The following IMPACT variants were observed in gnomAD, a reference collection of about 807,000 sequenced individuals.
IMPACT encodes the protein impact RWD domain protein.
IMPACT carries 35 observed loss-of-function variants against 47.5 expected under a neutral mutation model. That is an observed-to-expected ratio of 0.74 (90% CI 0.56 to 0.98). The LOEUF (loss-of-function observed/expected upper bound fraction) is 0.98, where lower values mean the gene tolerates loss of function less well. IMPACT is among the 50% of genes least tolerant of loss of function. IMPACT has a pLI of 0.00. For synonymous variants in IMPACT, 118 were observed against 125.6 expected (o/e 0.94, Z 0.40); for missense variants, 373 against 394.8 (o/e 0.94, Z 0.47).
chr18:24,442,417 G>T lies in IMPACT; in HGVS notation c.491-632G>T, dbSNP rs577758305. 5.2e-3 allele frequency among the ~76,000 whole-genome samples: 794 copies of T among 152,148 alleles called. 10 individuals carry two copies. The highest frequency in any genetic ancestry group is 0.018 in the African/African-American group (762 of 41,524). Reference sequence around the variant, plus strand: ...GATCCACTCCCTCGGCCTCCCAAAGGGTTGGGATTGCAGGCGTGAGCCACC... The same window carrying T: ...GATCCACTCCCTCGGCCTCCCAAAGTGTTGGGATTGCAGGCGTGAGCCACC... On this transcript the variant is annotated intron_variant, in intron 6 of 10. Transcript: ENST00000284202.
chr18:24,435,006 C>T (rs541513143), intron 4 of IMPACT, among the ~76,000 whole-genome samples: 6 of 147,582 alleles, frequency 4.1e-5, no homozygotes, highest in Non-Finnish European at 8.9e-5. Flanking sequence ...TGGGGTCTAT[C>T]TCTGTTACCC....
At position 24,443,069 on chromosome 18, in the gene IMPACT, C is replaced by T. The variant is rs1258489158; in HGVS notation, c.511C>T (p.Pro171Ser). 26 of 1,588,840 alleles carry T rather than the reference C, an allele frequency of 1.6e-5. No homozygotes were observed. The highest frequency in any genetic ancestry group is 2.2e-5 in the Non-Finnish European group (25 of 1,161,856). ...TCTAGAAGTAGAAGTAGAAGAATTACCTCCGATTGATCATGGCATTCCTAT... is the reference window on the plus strand; with the variant it reads ...TCTAGAAGTAGAAGTAGAAGAATTATCTCCGATTGATCATGGCATTCCTAT... ...TRTEVEVEELPPIDHGIPITD... is the reference protein window; with the variant it reads ...TRTEVEVEELSPIDHGIPITD... The change falls in exon 7 of 11, where the codon CCT (proline) becomes TCT (serine). Residue 171 changes from proline (P) to serine (S), a missense_variant. Physicochemically the swap from Pro to Ser is moderately conservative, Grantham distance 74. Transcript: ENST00000284202.
intron 1 of IMPACT, chr18:24,427,148 T>C (rs966944594): frequency 2.1e-5 from 5 of 241,428 alleles, no homozygotes; most frequent in Non-Finnish European, 3.9e-5. Context: ...TTTCCCCCTT[T>C]GCAAAATGGC....
intron 4 of IMPACT, chr18:24,435,649 T>G (rs537271744): frequency 6.6e-6 from 1 of 152,294 alleles, no homozygotes; most frequent in African/African-American, 2.4e-5. Flanking sequence ...AAGTGTGAAC[T>G]CAACTCCTCT....
chr18:24,446,903 T>A (rs1263506877), intron 8 of IMPACT, among the ~76,000 whole-genome samples: 1 of 152,254 alleles, frequency 6.6e-6, no homozygotes, highest in Non-Finnish European at 1.5e-5. Flanking sequence ...AAACTTTATG[T>A]AAATTAACTC....
chr18:24,448,595 A>G lies in IMPACT; in HGVS notation c.759+412A>G, dbSNP rs147955148. Among the ~76,000 whole-genome samples, 465 of 150,830 alleles carry G rather than the reference A, an allele frequency of 3.1e-3. 1 individual carries two copies. Among genetic ancestry groups the G allele is most frequent in the African/African-American group, 0.011 (438 of 41,076 alleles). On this transcript the variant is annotated intron_variant, in intron 9 of 10. Transcript: ENST00000284202. ...TCTCATTGTCTTTATATTCTGAGACATTTTCTTGACTGTTGTCCAAAATTT... is the reference window on the plus strand; with the variant it reads ...TCTCATTGTCTTTATATTCTGAGACGTTTTCTTGACTGTTGTCCAAAATTT...
chr18:24,448,113 A>G lies in IMPACT; in HGVS notation c.689A>G (p.Gln230Arg). The G allele has an allele frequency of 6.2e-7, 1 of 1,612,452 alleles. No homozygotes were observed. The highest frequency in any genetic ancestry group is 2.2e-5 in the East Asian group (1 of 44,826). The change falls in exon 9 of 11, where the codon CAG becomes CGG. Residue 230 changes from glutamine (Q) to arginine (R), a missense_variant. Gln to Arg is a conservative substitution (Grantham distance 43, BLOSUM62 1). Transcript: ENST00000284202. The part of the protein sequence containing the change: ...YAYRIYCEDK[Q>R]TFLQDCEDDG... ...TGCAGAATATATTGTGAGGATAAAC[A>G]GACCTTCTTACAGGATTGTGAGGAT...
intron 5 of IMPACT, 127 bp from the exon 6 acceptor site, chr18:24,440,369 C>T (rs1043614571): frequency 1.1e-6 from 1 of 900,030 alleles, no homozygotes; most frequent in Non-Finnish European, 1.7e-6. Flanking sequence ...ACCAGTTCTC[C>T]TACGGGCTGA....
At position 24,448,123 on chromosome 18, in the gene IMPACT, A is replaced by G. The variant is rs746006735; in HGVS notation, c.699A>G (p.Leu233=). Residue 233 remains leucine (L), a synonymous_variant, in exon 9 of 11, where the codon TTA becomes TTG. Transcript: ENST00000284202. ...RIYCEDKQTF[L]QDCEDDGETA... ...ATTGTGAGGATAAACAGACCTTCTT[A>G]CAGGATTGTGAGGATGATGGGGAAA... 1.3e-5 allele frequency: 21 copies of G among 1,613,248 alleles called. No individual in the cohort carries two copies. Among genetic ancestry groups the G allele is most frequent in the South Asian group, 1.2e-4 (11 of 91,062 alleles).
chr18:24,452,676 A>G lies in IMPACT; in HGVS notation c.*1829A>G, dbSNP rs1351058369. On this transcript the variant is annotated 3_prime_UTR_variant, in exon 11 of 11. Coordinates refer to ENST00000284202, the MANE Select transcript of IMPACT (RefSeq NM_018439.4). ...TCTACTCTTAATGGAAACTTGAACT[A>G]ATGATAGATAGTATTTTTTTCCTCT... The G allele has an allele frequency of 1.3e-5, 2 of 152,172 alleles. No homozygotes were observed. Among genetic ancestry groups the G allele is most frequent in the Non-Finnish European group, 2.9e-5 (2 of 68,024 alleles). 9.4% of individuals were successfully genotyped at this position (152,172 alleles called of 1,614,324 possible).
chr18:24,426,719 C>A lies in IMPACT; in HGVS notation c.-38C>A. The A allele has an allele frequency of 3.2e-6, 4 of 1,243,528 alleles. No homozygotes were observed. The highest frequency in any genetic ancestry group is 4.0e-6 in the Non-Finnish European group (4 of 993,160). 77.0% of individuals were successfully genotyped at this position (1,243,528 alleles called of 1,614,324 possible). A position where few individuals can be genotyped will look rare whatever the true frequency, so the allele number is the denominator to read the frequency against. Reference sequence around the variant, plus strand: ...AGCGCCCCGCCCCCGCGCTCCGGACCTGGCAGGCGGCGGCTGCAGGGCAGG... The same window carrying A: ...AGCGCCCCGCCCCCGCGCTCCGGACATGGCAGGCGGCGGCTGCAGGGCAGG... On this transcript the variant is annotated 5_prime_UTR_variant, in exon 1 of 11. In the 5' UTR this introduces an upstream ATG that the reference lacks. Coordinates refer to ENST00000284202, the MANE Select transcript of IMPACT (RefSeq NM_018439.4).
At chr18:24,435,990 A>G (rs1251459056) in intron 4 of IMPACT, among the ~76,000 whole-genome samples, 1 of 152,152 alleles carries the variant, frequency 6.6e-6, no homozygotes, top group Admixed American at 6.5e-5. Context: ...ATATATCTCA[A>G]AGAGATGGAG....
intron 4 of IMPACT, among the ~76,000 whole-genome samples, chr18:24,437,320 C>T (rs1304901196): frequency 2.6e-5 from 4 of 152,166 alleles, no homozygotes; most frequent in African/African-American, 4.8e-5. Flanking sequence ...ACCTGTGACA[C>T]ATTCTTTTTC....
intron 6 of IMPACT, among the ~76,000 whole-genome samples, chr18:24,442,666 A>T (rs1474031010): frequency 1.3e-5 from 2 of 152,222 alleles, no homozygotes; most frequent in Admixed American, 6.5e-5. Flanking sequence ...TGAAACTGAT[A>T]AATAAATTTT....
intron 7 of IMPACT, 82 bp from the exon 8 acceptor site, chr18:24,445,311 C>A: frequency 3.7e-6 from 3 of 811,062 alleles, no homozygotes; most frequent in Non-Finnish European, 4.0e-6. Flanking sequence ...TTTAATACAG[C>A]ATGCTTCAAG....
rs1431991518 is a variant in IMPACT at position 24,451,401 on chromosome 18, T to G, written c.*554T>G. On this transcript the variant is annotated 3_prime_UTR_variant, in exon 11 of 11. Coordinates refer to ENST00000284202, the MANE Select transcript of IMPACT (RefSeq NM_018439.4). ...AATGGATTAAGTGAAAATCCAGGAG[T>G]ATCCATCTGCAGTTATGTGCTGAGG... 1.3e-5 allele frequency: 2 copies of G among 152,218 alleles called. No homozygotes were observed. The highest frequency in any genetic ancestry group is 6.5e-5 in the Admixed American group (1 of 15,280). The allele number at this position is 152,218 out of a possible 1,614,324, so 9.4% of individuals were successfully genotyped here. A position where few individuals can be genotyped will look rare whatever the true frequency, so the allele number is the denominator to read the frequency against.
chr18:24,433,105 T>C (rs1478102357), intron 4 of IMPACT, among the ~76,000 whole-genome samples: 1 of 151,850 alleles, frequency 6.6e-6, no homozygotes, highest in Non-Finnish European at 1.5e-5. Flanking sequence ...GTTTATTTAA[T>C]GCGCTCGAAT....
At position 24,429,985 on chromosome 18, in the gene IMPACT, G is replaced by A. The variant is rs533401275; in HGVS notation, c.219-337G>A. Among the ~76,000 whole-genome samples, 11 of 152,198 alleles carry A rather than the reference G, an allele frequency of 7.2e-5. No individual in the cohort carries two copies. In the South Asian group the frequency reaches 2.3e-3, roughly 32 times the overall value. On this transcript the variant is annotated intron_variant, in intron 3 of 10. Coordinates refer to ENST00000284202, the MANE Select transcript of IMPACT (RefSeq NM_018439.4). ...GTAGAGACGGGGTTTCGCCATGTTAGCCAGGATGGTCTTGATCTCCTGACC... is the reference window on the plus strand; with the variant it reads ...GTAGAGACGGGGTTTCGCCATGTTAACCAGGATGGTCTTGATCTCCTGACC...
intron 4 of IMPACT, among the ~76,000 whole-genome samples, chr18:24,434,039 TTTTTAAAAATTA>T: frequency 6.6e-6 from 1 of 151,988 alleles, no homozygotes; most frequent in South Asian, 2.1e-4. Context: ...GAAATACAGG[TTTTTAAAAATTA>T]AACATGGGCC....
Sources: gnomAD v4.1 joint callset for allele counts (sites outside exome capture counted in the v4.1 genomes callset) on GRCh38, gnomAD v4.1.1 for gene constraint, MANE v1.5 for transcripts, NCBI Gene and HGNC (gene_info 2026-07-23, HGNC 2026-07-21) for gene names.